The following MCRS1 variants were observed in gnomAD, a reference collection of about 807,000 sequenced individuals.
MCRS1 encodes the protein 58 kDa microspherule protein.
In MCRS1, 22 loss-of-function variants were observed where a neutral mutation model predicts 62.9. The observed-to-expected ratio is 0.35, with a 90% CI of 0.25 to 0.50. The LOEUF (loss-of-function observed/expected upper bound fraction) is 0.50, where lower values mean the gene tolerates loss of function less well. Among genes scored for constraint, MCRS1 ranks in the 20% least tolerant of loss-of-function variants. MCRS1 has a pLI of 0.98. For synonymous variants in MCRS1, 244 were observed against 233.5 expected (o/e 1.04, Z -0.41); for missense variants, 456 against 601.1 (o/e 0.76, Z 2.52).
Position 49,563,442 on chromosome 12 carries a change from C to G in MCRS1, c.662G>C (p.Gly221Ala). ...KAEEQLLSKV[G>A]STSQPTLETF... ...CTTCCCAGCCCTCAGCCTTACCGAT[C>G]CCACTTTGCTCAGCAGCTGCTCCTC... The change falls in exon 7 of 15, where the codon GGA becomes GCA. Residue 221 changes from glycine (G) to alanine (A), a missense_variant. This residue lies in a region of MCRS1 where 393 missense variants were observed against 523.5 expected (regional missense o/e 0.75). Coordinates refer to ENST00000343810, the MANE Select transcript of MCRS1 (RefSeq NM_006337.5). 1.9e-6 allele frequency: 3 copies of G among 1,611,950 alleles called. No individual in the cohort carries two copies. The highest frequency in any genetic ancestry group is 2.5e-6 in the Non-Finnish European group (3 of 1,179,348).
Position 49,559,891 on chromosome 12 carries a change from T to C in MCRS1, c.910+48A>G, listed in dbSNP as rs113313334. ...AGCACCTTGTACTGGTCCTCTTGAT[T>C]CTGGCAGGAGCTTCCATCCCCTCAC... On this transcript the variant is annotated intron_variant, in intron 10 of 14. Transcript: ENST00000343810. The surrounding 1 kb of genome is among the most constrained non-coding windows in gnomAD (Gnocchi z 5.2). 1.3e-3 allele frequency: 2,105 copies of C among 1,614,108 alleles called. 26 individuals are homozygous for C. In the African/African-American group the frequency reaches 0.024, roughly 19 times the overall value.
At chr12:49,566,301 C>A in intron 2 of MCRS1, 86 bp from the exon 3 acceptor site, 1 of 1,558,982 alleles carries the variant, frequency 6.4e-7, no homozygotes, top group Non-Finnish European at 8.7e-7. Context: ...CCTTCCCCTG[C>A]CAGCCCTCTT....
chr12:49,564,932 A>G, intron 4 of MCRS1, 37 bp from the exon 5 acceptor site: 1 of 1,525,022 alleles, frequency 6.6e-7, no homozygotes, highest in Non-Finnish European at 8.8e-7. Flanking sequence ...GCTCAAAGCC[A>G]GCATCCAGTC....
chr12:49,559,793 C>T lies in MCRS1; in HGVS notation c.939G>A (p.Lys313=). ...HELMVADRRQ[K]REIRQLEQEL... ...CCTGTTCCAGCTGCCGAATCTCTCG[C>T]TTCTGGCGCCGGTCAGCCACCATCA... Residue 313 remains lysine (K), a synonymous_variant, in exon 11 of 15, where the codon AAG becomes AAA. Transcript: ENST00000343810. The surrounding 1 kb of genome is among the most constrained non-coding windows in gnomAD (Gnocchi z 5.2). The T allele has an allele frequency of 6.2e-7, 1 of 1,614,224 alleles. No individual in the cohort carries two copies. Among genetic ancestry groups the T allele is most frequent in the South Asian group, 1.1e-5 (1 of 91,090 alleles).
intron 9 of MCRS1, 110 bp downstream of exon 9, chr12:49,560,185 G>A (rs546355145): frequency 1.1e-5 from 14 of 1,303,614 alleles, no homozygotes; most frequent in African/African-American, 4.4e-5. Flanking sequence ...AGCCAGGGGG[G>A]GCCAAGCACC....
chr12:49,565,339 T>TG, intron 4 of MCRS1, 190 bp downstream of exon 4: 1 of 983,732 alleles, frequency 1.0e-6, no homozygotes, highest in Non-Finnish European at 1.2e-6. Context: ...GGGTTGGGGG[T>TG]GGGGGCTGCA....
At position 49,559,934 on chromosome 12, in the gene MCRS1, C is replaced by G; in HGVS notation, c.910+5G>C. On this transcript the variant is annotated splice_donor_5th_base_variant and intron_variant, in intron 10 of 14. Transcript: ENST00000343810. The surrounding 1 kb of genome is among the most constrained non-coding windows in gnomAD (Gnocchi z 5.2). ...CCCCTCACCACCCCATGAGGCCATA[C>G]TTACCATGTTCCAGGACCTCATCTC... 2 of 1,614,232 alleles carry G rather than the reference C, an allele frequency of 1.2e-6. No homozygotes were observed. The highest frequency in any genetic ancestry group is 2.2e-5 in the South Asian group (2 of 91,090).
At position 49,559,835 on chromosome 12, in the gene MCRS1, G is replaced by A; in HGVS notation, c.911-14C>T. On this transcript the variant is annotated splice_polypyrimidine_tract_variant and intron_variant, in intron 10 of 14. Coordinates refer to ENST00000343810, the MANE Select transcript of MCRS1 (RefSeq NM_006337.5). This position sits in a 1 kb window ranked among gnomAD's most constrained non-coding sequence, Gnocchi z 5.2. The stretch of plus-strand genomic sequence containing the variant: ...CCACCATCAGCTCTGGGGTGAGGTG[G>A]GGTGGTAAGGAGGGATGCTCTGAGG... 1 of 1,614,170 alleles carries A rather than the reference G, an allele frequency of 6.2e-7. No homozygotes were observed. The highest frequency in any genetic ancestry group is 2.2e-5 in the East Asian group (1 of 44,886).
At chr12:49,562,969 C>T (rs754896654) in intron 8 of MCRS1, 32 bp downstream of exon 8, 1 of 1,583,472 alleles carries the variant, frequency 6.3e-7, no homozygotes, top group Non-Finnish European at 8.6e-7. Flanking sequence ...CACGTGCACA[C>T]ACCCCCATTC....
intron 6 of MCRS1, among the ~76,000 whole-genome samples, chr12:49,563,757 A>G (rs548080465): frequency 6.6e-6 from 1 of 152,280 alleles, no homozygotes; most frequent in South Asian, 2.1e-4. Context: ...GGAGGCCCCT[A>G]TGTCCCCTTC....
chr12:49,566,042 C>A, intron 3 of MCRS1, 35 bp downstream of exon 3: 1 of 1,601,650 alleles, frequency 6.2e-7, no homozygotes, highest in Non-Finnish European at 8.5e-7. Flanking sequence ...ACCTTCTACC[C>A]TTTCCCAGTT....
In MCRS1 at chr12:49,558,574, C is replaced by T; in HGVS notation, c.*69G>A. The T allele has an allele frequency of 6.5e-7, 1 of 1,528,884 alleles. No homozygotes were observed. Among genetic ancestry groups the T allele is most frequent in the Non-Finnish European group, 9.0e-7 (1 of 1,115,732 alleles). 94.7% of individuals were successfully genotyped at this position (1,528,884 alleles called of 1,614,324 possible). On this transcript the variant is annotated 3_prime_UTR_variant, in exon 15 of 15. Transcript: ENST00000343810. ...CAGGTTTTTCCAGGAGCCTGAGTTC[C>T]CAGCTCAAGGGGGCTGGAGTGGCAG... is the stretch of plus-strand genomic sequence containing the variant.
At chr12:49,566,631 A>G in intron 2 of MCRS1, 91 bp downstream of exon 2, 1 of 1,585,250 alleles carries the variant, frequency 6.3e-7, no homozygotes, top group Non-Finnish European at 8.6e-7. Context: ...AGGCCTAGCC[A>G]GGACCGAAAG....
In MCRS1 at chr12:49,566,768, C is replaced by A. The variant is rs13066; in HGVS notation, c.-37G>T. The stretch of plus-strand genomic sequence containing the variant: ...CCCAAAGCCACTGGTTCCAAACCAC[C>A]GGGCTAGGAGGAACGGTCCCACAGG... On this transcript the variant is annotated 5_prime_UTR_variant, in exon 2 of 15. Transcript: ENST00000343810. 204,348 of 1,611,152 alleles carry A rather than the reference C, an allele frequency of 0.13. 19,140 individuals carry two copies. Among genetic ancestry groups the A allele is most frequent in the African/African-American group, 0.51 (38,232 of 74,808 alleles).
At chr12:49,563,239 G>A in intron 7 of MCRS1, 100 bp from the exon 8 acceptor site, 1 of 1,507,980 alleles carries the variant, frequency 6.6e-7, no homozygotes, top group African/African-American at 1.4e-5. Flanking sequence ...CCAGGAGCTG[G>A]AAGAAGCAAG....
At chr12:49,565,791 T>G in intron 3 of MCRS1, 124 bp from the exon 4 acceptor site, 1 of 1,396,384 alleles carries the variant, frequency 7.2e-7, no homozygotes, top group Non-Finnish European at 1.0e-6. Flanking sequence ...GCTTTCACTT[T>G]ACGCCACAGC....
In MCRS1 at chr12:49,565,618, C is replaced by T; in HGVS notation, c.199G>A (p.Ala67Thr). The T allele has an allele frequency of 1.2e-6, 2 of 1,613,944 alleles. No individual in the cohort carries two copies. The highest frequency in any genetic ancestry group is 1.7e-6 in the Non-Finnish European group (2 of 1,179,904). ...CCCTTTGCCCGGGTAGAAGATTTTG[C>T]CAGGCTGCTCTCCACCAGCTCATCA... ...FDDELVESSLAKSSTRAKGAS... is the reference protein window; with the variant it reads ...FDDELVESSLTKSSTRAKGAS... The change falls in exon 4 of 15, where the codon GCA (alanine) becomes ACA (threonine). Residue 67 changes from alanine (A) to threonine (T), a missense_variant. Physicochemically the swap from Ala to Thr is moderately conservative, Grantham distance 58 (BLOSUM62 0). Around this residue, in one of 3 missense-constraint regions of MCRS1, gnomAD observed 393 missense variants for 523.5 expected, o/e 0.75. Transcript: ENST00000343810.
chr12:49,565,113 G>C (rs1021631740), intron 4 of MCRS1: 2 of 985,294 alleles, frequency 2.0e-6, no homozygotes, highest in African/African-American at 3.5e-5. Context: ...ACCATACGGG[G>C]TCTTCTCTTT....
chr12:49,567,843 C>G (rs1427889394), intron 1 of MCRS1: 2 of 152,274 alleles, frequency 1.3e-5, no homozygotes, highest in African/African-American at 2.4e-5. Context: ...CCCATTCTCA[C>G]CCCACGGTCT....
Sources: gnomAD v4.1 joint callset for allele counts (sites outside exome capture counted in the v4.1 genomes callset) on GRCh38, gnomAD v4.1.1 for gene constraint, gnomAD v4.1.1 regional missense constraint, Gnocchi (gnomAD v3.1) non-coding constraint, MANE v1.5 for transcripts, NCBI Gene and HGNC (gene_info 2026-07-23, HGNC 2026-07-21) for gene names.